Variants in CNTNAP2 observed in about 807,000 individuals in gnomAD.
CNTNAP2 encodes contactin associated protein 2, also known as contactin-associated protein-like 2.
In CNTNAP2, 98 loss-of-function variants were observed where a neutral mutation model predicts 155.2. The ratio of observed to expected loss-of-function variants is 0.63; its 90% CI spans 0.54 to 0.75. The LOEUF is 0.75. Ranked by LOEUF, CNTNAP2 falls within the 30% of genes least tolerant of loss-of-function variation. CNTNAP2 has a pLI of 0.00. For missense variants in CNTNAP2, 1,727 were observed against 1,688.1 expected (o/e 1.02, Z -0.40); for synonymous variants, 651 against 631.2 (o/e 1.03, Z -0.47).
chr7:148,408,472 G>C (rs1193363373), intron 22 of CNTNAP2, among the ~76,000 whole-genome samples: 2 of 152,192 alleles, frequency 1.3e-5, no homozygotes, highest in East Asian at 3.8e-4. Flanking sequence ...GGAGTATGTA[G>C]CAATGTTCTC....
intron 8 of CNTNAP2, among the ~76,000 whole-genome samples, chr7:147,249,779 G>A (rs1056532345): frequency 1.2e-4 from 18 of 152,078 alleles, no homozygotes; most frequent in African/African-American, 3.9e-4. Context: ...ATAACTTTGG[G>A]CAGTAATTTT....
chr7:147,034,610 ATC>A, intron 3 of CNTNAP2, among the ~76,000 whole-genome samples: 1 of 152,286 alleles, frequency 6.6e-6, no homozygotes, highest in South Asian at 2.1e-4. Context: ...GCCTTGGTGT[ATC>A]AGAAAAATCG....
chr7:146,150,197 A>C (rs1391995625), intron 1 of CNTNAP2, among the ~76,000 whole-genome samples: 1 of 152,140 alleles, frequency 6.6e-6, no homozygotes, highest in Non-Finnish European at 1.5e-5. Context: ...TAAAAGCAAA[A>C]TCAAATACTA....
At chr7:147,440,836 A>T (rs1797624855) in intron 10 of CNTNAP2, among the ~76,000 whole-genome samples, 1 of 151,884 alleles carries the variant, frequency 6.6e-6, no homozygotes, top group African/African-American at 2.4e-5. Flanking sequence ...TCTCAAAGGT[A>T]TTGGAGCTCC....
chr7:147,560,188 A>AAAAAAAAAAAAAAAAAAAAAAG (rs1800034527), intron 11 of CNTNAP2, among the ~76,000 whole-genome samples: 1 of 150,706 alleles, frequency 6.6e-6, no homozygotes, highest in Admixed American at 6.6e-5. Flanking sequence ...AAAAAAAAAA[A>AAAAAAAAAAAAAAAAAAAAAAG]AAATTGAATC....
chr7:146,276,658 C>A (rs1007076543), intron 1 of CNTNAP2, among the ~76,000 whole-genome samples: 1 of 152,126 alleles, frequency 6.6e-6, no homozygotes, highest in Non-Finnish European at 1.5e-5. Context: ...TGCCAACAGG[C>A]ACCATGAAAG....
At chr7:148,054,876 G>T (rs1802978440) in intron 15 of CNTNAP2, among the ~76,000 whole-genome samples, 1 of 148,158 alleles carries the variant, frequency 6.7e-6, no homozygotes, top group African/African-American at 2.5e-5. Flanking sequence ...TAAATTAATA[G>T]GAATCTTTTT....
chr7:147,532,040 C>G (rs1799444072), intron 11 of CNTNAP2, among the ~76,000 whole-genome samples: 1 of 152,122 alleles, frequency 6.6e-6, no homozygotes, highest in Admixed American at 6.5e-5. Flanking sequence ...ATCTCCTGAC[C>G]TTGTGATCTG....
chr7:148,215,513 C>CTTTTTTTTT (rs11351735), intron 18 of CNTNAP2, among the ~76,000 whole-genome samples: 1 of 143,626 alleles, frequency 7.0e-6, no homozygotes, highest in African/African-American at 2.6e-5. Context: ...TCAGGGCTTT[C>CTTTTTTTTT]TTTTTTTTTT....
chr7:147,583,329 G>C lies in CNTNAP2; in HGVS notation c.1897+21072G>C, dbSNP rs140374341. ...GAATTGATGACATACGGCTAAGCCT[G>C]TTTGTTGCATTATTTTGCTACTTCA... is the stretch of plus-strand genomic sequence containing the variant. On this transcript the variant is annotated intron_variant, in intron 12 of 23. Coordinates refer to ENST00000361727, the MANE Select transcript of CNTNAP2 (RefSeq NM_014141.6). Among the ~76,000 whole-genome samples, 137 of 151,870 alleles carry C rather than the reference G, an allele frequency of 9.0e-4. 1 individual carries two copies. Among genetic ancestry groups the C allele is most frequent in the Non-Finnish European group, 1.5e-3 (99 of 67,924 alleles).
At chr7:146,435,401 C>T (rs1045697044) in intron 1 of CNTNAP2, among the ~76,000 whole-genome samples, 11 of 152,182 alleles carry the variant, frequency 7.2e-5, no homozygotes, top group Non-Finnish European at 1.5e-5. Context: ...TTTTGAGTTT[C>T]CATTTCAGTT....
chr7:146,214,298 C>A (rs1342473249), intron 1 of CNTNAP2, among the ~76,000 whole-genome samples: 1 of 152,108 alleles, frequency 6.6e-6, no homozygotes, highest in Non-Finnish European at 1.5e-5. Context: ...AAACTGTTGT[C>A]ATTATGAAAG....
intron 9 of CNTNAP2, among the ~76,000 whole-genome samples, chr7:147,351,649 A>G (rs1480418912): frequency 3.3e-5 from 5 of 151,884 alleles, no homozygotes; most frequent in Non-Finnish European, 7.4e-5. Flanking sequence ...AATTGCAAGC[A>G]TGAGTTTAGA....
intron 4 of CNTNAP2, among the ~76,000 whole-genome samples, chr7:147,060,166 T>A (rs1397485812): frequency 6.9e-6 from 1 of 145,818 alleles, no homozygotes; most frequent in Non-Finnish European, 1.5e-5. Context: ...TTCTCAAAGG[T>A]CCCAAAGTAA....
intron 11 of CNTNAP2, among the ~76,000 whole-genome samples, chr7:147,497,895 T>C (rs1057180403): frequency 3.3e-5 from 5 of 152,200 alleles, no homozygotes. Flanking sequence ...TTTTCTTTTG[T>C]ATAGTTCTTT....
At chr7:147,088,972 GAGAA>G (rs1051348788) in intron 4 of CNTNAP2, among the ~76,000 whole-genome samples, 2 of 151,078 alleles carry the variant, frequency 1.3e-5, no homozygotes, top group African/African-American at 4.9e-5. Context: ...AAGAAAGAAA[GAGAA>G]AGAGAGAAAG....
intron 1 of CNTNAP2, among the ~76,000 whole-genome samples, chr7:146,330,242 G>A (rs1157535088): frequency 1.3e-5 from 2 of 151,788 alleles, no homozygotes; most frequent in East Asian, 1.9e-4. Context: ...GGCTGGTCTC[G>A]AACTCCCGAC....
chr7:148,019,603 C>T lies in CNTNAP2; in HGVS notation c.2383+41614C>T, dbSNP rs541785259. ...TCCTGAGTAGCTGGACTTACAGGTGCATGCCACCATACCTGGCTATTTTTT... is the reference window on the plus strand; with the variant it reads ...TCCTGAGTAGCTGGACTTACAGGTGTATGCCACCATACCTGGCTATTTTTT... On this transcript the variant is annotated intron_variant, in intron 15 of 23. Transcript: ENST00000361727. 4.1e-4 allele frequency among the ~76,000 whole-genome samples: 63 copies of T among 152,210 alleles called. 2 individuals carry two copies. Among genetic ancestry groups the T allele is most frequent in the Middle Eastern group, 3.4e-3 (1 of 294 alleles).
intron 1 of CNTNAP2, among the ~76,000 whole-genome samples, chr7:146,197,580 T>G (rs965831436): frequency 5.3e-5 from 8 of 152,206 alleles, no homozygotes; most frequent in African/African-American, 1.9e-4. Context: ...GATCACTAAT[T>G]TGTTTCCAGA....
Sources: allele counts gnomAD v4.1 joint callset (sites outside exome capture counted in the v4.1 genomes callset), GRCh38; gene constraint gnomAD v4.1.1; transcripts MANE v1.5; gene names NCBI Gene and HGNC (gene_info 2026-07-23, HGNC 2026-07-21).